The following PALM2AKAP2 variants were observed in gnomAD, a reference collection of about 807,000 sequenced individuals.
PALM2AKAP2 encodes the protein PALM2 and AKAP2 fusion.
In PALM2AKAP2, 37 loss-of-function variants were observed where a neutral mutation model predicts 71.5. The ratio of observed to expected loss-of-function variants is 0.52; its 90% CI spans 0.40 to 0.68. The LOEUF (loss-of-function observed/expected upper bound fraction) is 0.68. Ranked by LOEUF, PALM2AKAP2 falls within the 30% of genes least tolerant of loss-of-function variation. The pLI, the probability that PALM2AKAP2 is intolerant of heterozygous loss-of-function variation, is 0.00. For missense variants in PALM2AKAP2, 1,224 were observed against 1,191.8 expected, an observed-to-expected ratio of 1.03 and a Z score of -0.40; for synonymous variants, 468 against 478.8, an observed-to-expected ratio of 0.98 and a Z score of 0.29.
chr9:110,119,586 A>G (rs1835441487), intron 1 of PALM2AKAP2, among the ~76,000 whole-genome samples: 1 of 152,258 alleles, frequency 6.6e-6, no homozygotes, highest in Non-Finnish European at 1.5e-5. Flanking sequence ...ATGGAGTTGG[A>G]TGAGGGTACC....
chr9:109,881,825 C>T (rs1829859295), intron 3 of PALM2AKAP2, among the ~76,000 whole-genome samples: 1 of 149,282 alleles, frequency 6.7e-6, no homozygotes, highest in Admixed American at 6.7e-5. Flanking sequence ...CAAATTCTAC[C>T]TGAAATCTCA....
intron 6 of PALM2AKAP2, among the ~76,000 whole-genome samples, chr9:109,987,736 T>C (rs1166799375): frequency 6.6e-6 from 1 of 152,214 alleles, no homozygotes; most frequent in Non-Finnish European, 1.5e-5. Flanking sequence ...CCCAGTTTGC[T>C]TCCATGTTTT....
intron 6 of PALM2AKAP2, among the ~76,000 whole-genome samples, chr9:110,006,309 TTTCC>T (rs1238909606): frequency 7.3e-6 from 1 of 136,818 alleles, no homozygotes; most frequent in African/African-American, 2.8e-5. Flanking sequence ...TTTCCCTCCC[TTTCC>T]TTCCTTCCTT....
chr9:109,891,404 G>A (rs1047547759), intron 3 of PALM2AKAP2, among the ~76,000 whole-genome samples: 4 of 152,122 alleles, frequency 2.6e-5, no homozygotes, highest in African/African-American at 9.7e-5. Flanking sequence ...CCATTATTAA[G>A]TAATGTCAGG....
At position 109,923,766 on chromosome 9, in the gene PALM2AKAP2, G is replaced by A. The variant is rs1830889715; in HGVS notation, c.289G>A (p.Glu97Lys). 6.2e-7 allele frequency: 1 copy of A among 1,602,870 alleles called. No homozygotes were observed. ...GCAAGAAATACAAACGCTAGAAAGTGAAGAGTCCCAGATATCTGCCAAAGA... is the reference window on the plus strand; with the variant it reads ...GCAAGAAATACAAACGCTAGAAAGTAAAGAGTCCCAGATATCTGCCAAAGA... Residue 97 changes from glutamate (E) to lysine (K), a missense_variant, in exon 4 of 10, where the codon GAA (glutamate) becomes AAA (lysine). By Grantham distance (56) the Glu-to-Lys change is moderately conservative. Transcript: ENST00000302798.
At chr9:109,932,067 G>T in intron 6 of PALM2AKAP2, 39 bp downstream of exon 6, 1 of 1,566,466 alleles carries the variant, frequency 6.4e-7, no homozygotes, top group South Asian at 1.2e-5. Context: ...GATGGTCCAA[G>T]GGGCTTGCAT....
At chr9:109,862,976 AG>A in intron 1 of PALM2AKAP2, 1 of 502,714 alleles carries the variant, frequency 2.0e-6, no homozygotes. Context: ...TGAAATAGAC[AG>A]GAGCCTCACT....
chr9:110,108,683 G>GA (rs35025101), intron 1 of PALM2AKAP2, among the ~76,000 whole-genome samples: 2 of 152,050 alleles, frequency 1.3e-5, no homozygotes, highest in African/African-American at 2.4e-5. Context: ...AAGGGGTGAT[G>GA]AAAAAATCTT....
intron 6 of PALM2AKAP2, among the ~76,000 whole-genome samples, chr9:109,983,243 T>C (rs1832308723): frequency 6.6e-6 from 1 of 152,242 alleles, no homozygotes; most frequent in Non-Finnish European, 1.5e-5. Flanking sequence ...AAATGTGCCA[T>C]AGATGCGAAT....
intron 3 of PALM2AKAP2, among the ~76,000 whole-genome samples, chr9:109,919,735 ATGTGTGTG>A (rs1163749906): frequency 1.4e-5 from 2 of 142,966 alleles, no homozygotes; most frequent in African/African-American, 5.1e-5. Context: ...GTGTATACAT[ATGTGTGTG>A]TGTGTGTGTG....
chr9:110,025,914 C>G (rs1833173551), intron 7 of PALM2AKAP2, among the ~76,000 whole-genome samples: 1 of 152,034 alleles, frequency 6.6e-6, no homozygotes, highest in African/African-American at 2.4e-5. Context: ...TTGCAGCTGC[C>G]CAGTCAGTGT....
At chr9:110,165,781 A>G (rs2119278411) in intron 3 of PALM2AKAP2, among the ~76,000 whole-genome samples, 1 of 152,268 alleles carries the variant, frequency 6.6e-6, no homozygotes, top group East Asian at 1.9e-4. Context: ...TCTATCCTCA[A>G]CACGAAGCAC....
chr9:110,158,942 T>C (rs892574297), intron 3 of PALM2AKAP2, among the ~76,000 whole-genome samples: 2 of 152,240 alleles, frequency 1.3e-5, no homozygotes, highest in African/African-American at 4.8e-5. Flanking sequence ...TCAGTCAGGC[T>C]TCAAATGAGA....
intron 1 of PALM2AKAP2, among the ~76,000 whole-genome samples, chr9:109,742,280 C>T (rs916470669): frequency 2.6e-5 from 4 of 151,380 alleles, no homozygotes; most frequent in African/African-American, 9.7e-5. Context: ...CACACACACA[C>T]ACACACACAC....
intron 6 of PALM2AKAP2, among the ~76,000 whole-genome samples, chr9:109,984,544 T>C (rs1832336716): frequency 1.3e-5 from 2 of 151,570 alleles, no homozygotes; most frequent in South Asian, 2.1e-4. Flanking sequence ...TAAATTAAAA[T>C]AGATAAATAA....
At chr9:110,156,631 A>G (rs1836464521) in intron 3 of PALM2AKAP2, 134 bp downstream of exon 9, 13 of 1,258,236 alleles carry the variant, frequency 1.0e-5, no homozygotes, top group Non-Finnish European at 1.3e-5. Context: ...GTTTTCATAT[A>G]TGTGGTTTCA....
At chr9:109,881,072 G>A (rs1829836477) in intron 3 of PALM2AKAP2, among the ~76,000 whole-genome samples, 1 of 152,026 alleles carries the variant, frequency 6.6e-6, no homozygotes, top group Admixed American at 6.6e-5. Context: ...AGTGTGTGTT[G>A]TTCCCTTCTA....
chr9:109,999,863 G>C (rs537652849), intron 6 of PALM2AKAP2, among the ~76,000 whole-genome samples: 1 of 152,114 alleles, frequency 6.6e-6, no homozygotes, highest in African/African-American at 2.4e-5. Flanking sequence ...AGGAGGAGCT[G>C]GCAGCAGAAG....
intron 1 of PALM2AKAP2, among the ~76,000 whole-genome samples, chr9:109,810,178 A>T (rs2131438171): frequency 6.6e-6 from 1 of 152,340 alleles, no homozygotes; most frequent in South Asian, 2.1e-4. Context: ...TCTAGAATTC[A>T]AAAGAGACGT....
Sources: allele counts gnomAD v4.1 joint callset (sites outside exome capture counted in the v4.1 genomes callset), GRCh38; gene constraint gnomAD v4.1.1; transcripts MANE v1.5; gene names NCBI Gene and HGNC (gene_info 2026-07-23, HGNC 2026-07-21).